Variants in ATRNL1 observed in about 807,000 individuals in gnomAD.
ATRNL1 encodes attractin like 1, also known as attractin-like protein 1.
A neutral mutation model predicts 182.7 loss-of-function variants in ATRNL1; 95 were observed. The ratio of observed to expected loss-of-function variants is 0.52; its 90% CI spans 0.44 to 0.62. ATRNL1 has a LOEUF of 0.62. Among genes scored for constraint, ATRNL1 ranks in the 20% least tolerant of loss-of-function variants. The pLI, the probability that ATRNL1 is intolerant of heterozygous loss-of-function variation, is 0.00. For missense variants in ATRNL1, 1,471 were observed against 1,679.5 expected (o/e 0.88, Z 2.17); for synonymous variants, 576 against 568.3 (o/e 1.01, Z -0.19).
At chr10:115,234,832 G>T (rs532923169) in intron 9 of ATRNL1, among the ~76,000 whole-genome samples, 1 of 151,934 alleles carries the variant, frequency 6.6e-6, no homozygotes, top group East Asian at 1.9e-4. Flanking sequence ...CAAGCCATCC[G>T]CCCGCCTTGG....
intron 27 of ATRNL1, among the ~76,000 whole-genome samples, chr10:115,805,134 A>C (rs574817124): frequency 1.2e-4 from 18 of 152,212 alleles, no homozygotes; most frequent in Non-Finnish European, 2.5e-4. Flanking sequence ...TAATCGTAGA[A>C]GAAGCAGCCC....
chr10:115,486,692 G>T (rs995384634), intron 24 of ATRNL1, among the ~76,000 whole-genome samples: 7 of 152,032 alleles, frequency 4.6e-5, no homozygotes, highest in African/African-American at 1.7e-4. Context: ...TCTGTAGGTT[G>T]CCTGTTCACT....
In ATRNL1 at chr10:115,093,977, A is replaced by C. The variant is rs782778616; in HGVS notation, c.227A>C (p.Asn76Thr). ...TCCTGCTTCTCGGGCCGCTGTGTCA[A>C]CTCCACCTGCCTCTGCGACCCGGGC... The part of the protein sequence containing the change: ...TGSCFSGRCV[N>T]STCLCDPGWV... Residue 76 changes from asparagine (N) to threonine (T), a missense_variant, in exon 1 of 29, where the codon AAC becomes ACC. Physicochemically the swap from Asn to Thr is moderately conservative, Grantham distance 65 (BLOSUM62 0). Coordinates refer to ENST00000355044, the MANE Select transcript of ATRNL1 (RefSeq NM_207303.4). The surrounding 1 kb of genome is among the most constrained non-coding windows in gnomAD (Gnocchi z 6.1). 6.3e-7 allele frequency: 1 copy of C among 1,581,320 alleles called. No individual in the cohort carries two copies. Among genetic ancestry groups the C allele is most frequent in the Non-Finnish European group, 8.6e-7 (1 of 1,165,968 alleles).
chr10:115,825,301 G>A (rs536748749), intron 27 of ATRNL1, among the ~76,000 whole-genome samples: 99 of 152,228 alleles, frequency 6.5e-4, no homozygotes, highest in African/African-American at 2.2e-3. Flanking sequence ...GACTAGGGGA[G>A]AGATAACATT....
At chr10:115,489,025 T>C (rs1478804318) in intron 24 of ATRNL1, among the ~76,000 whole-genome samples, 1 of 152,172 alleles carries the variant, frequency 6.6e-6, no homozygotes, top group African/African-American at 2.4e-5. Flanking sequence ...TTCCATGTAG[T>C]TGTGTGGTTT....
In ATRNL1 at chr10:115,497,421, A is replaced by G. The variant is rs990017596; in HGVS notation, c.3655-21842A>G. ...ACTATCACTCACTTATCATTTCCCC[A>G]TGGTGGAGGACATCCCTTGGCTCAA... On this transcript the variant is annotated intron_variant, in intron 24 of 28. Transcript: ENST00000355044. 3.3e-5 allele frequency among the ~76,000 whole-genome samples: 5 copies of G among 152,248 alleles called. No individual in the cohort carries two copies. In the East Asian group the frequency reaches 7.7e-4, roughly 24 times the overall value.
chr10:115,340,475 T>C lies in ATRNL1; in HGVS notation c.3175+6056T>C, dbSNP rs868961213. On this transcript the variant is annotated intron_variant, in intron 19 of 28. Coordinates refer to ENST00000355044, the MANE Select transcript of ATRNL1 (RefSeq NM_207303.4). ...TCTTTTTTTTTCTTTTCTTTTCTTTTCTTTTTTTTTTTTTTTGGTGTGTGT... is the reference window on the plus strand; with the variant it reads ...TCTTTTTTTTTCTTTTCTTTTCTTTCCTTTTTTTTTTTTTTTGGTGTGTGT... Among the ~76,000 whole-genome samples the C allele has an allele frequency of 1.0e-3, 126 of 123,096 alleles. 1 individual carries two copies. The Middle Eastern group carries it at 0.023, about 22-fold the overall frequency. 80.8% of individuals were successfully genotyped at this position (123,096 alleles called of 152,430 possible).
At chr10:115,255,033 C>T (rs938018966) in intron 10 of ATRNL1, among the ~76,000 whole-genome samples, 19 of 152,180 alleles carry the variant, frequency 1.2e-4, no homozygotes, top group African/African-American at 4.1e-4. Context: ...GTTTTGGTTA[C>T]TGTAGCCTTG....
intron 27 of ATRNL1, among the ~76,000 whole-genome samples, chr10:115,829,624 CA>C (rs200458749): frequency 6.6e-6 from 1 of 151,788 alleles, no homozygotes; most frequent in Non-Finnish European, 1.5e-5. Flanking sequence ...ACTTTTAAGC[CA>C]AAAAAAGATA....
intron 20 of ATRNL1, among the ~76,000 whole-genome samples, chr10:115,418,647 CAATT>C: frequency 6.6e-6 from 1 of 152,172 alleles, no homozygotes; most frequent in East Asian, 1.9e-4. Flanking sequence ...AGGCATGTCA[CAATT>C]AAACTCACAA....
intron 27 of ATRNL1, among the ~76,000 whole-genome samples, chr10:115,727,997 C>T (rs12770810): frequency 0.46 from 69,631 of 150,588 alleles, 18,204 homozygotes; most frequent in East Asian, 0.68. Context: ...AAAATTCGGC[C>T]GGGCGCGGTG....
chr10:115,831,130 A>G (rs1950550331), intron 27 of ATRNL1, among the ~76,000 whole-genome samples: 2 of 152,126 alleles, frequency 1.3e-5, no homozygotes, highest in African/African-American at 4.8e-5. Flanking sequence ...TTCTTCCAGA[A>G]ACACGGATGG....
intron 28 of ATRNL1, among the ~76,000 whole-genome samples, chr10:115,914,221 G>C (rs1952775711): frequency 6.6e-6 from 1 of 152,184 alleles, no homozygotes; most frequent in East Asian, 1.9e-4. Flanking sequence ...ATGTAGAACT[G>C]TGAGTCAATT....
At chr10:115,108,697 C>G (rs1162720161) in intron 1 of ATRNL1, among the ~76,000 whole-genome samples, 1 of 152,158 alleles carries the variant, frequency 6.6e-6, no homozygotes, top group Non-Finnish European at 1.5e-5. Flanking sequence ...ATGTCTAGTC[C>G]TTAGTTCCTG....
At chr10:115,317,254 T>A (rs972237518) in intron 18 of ATRNL1, among the ~76,000 whole-genome samples, 1 of 152,218 alleles carries the variant, frequency 6.6e-6, no homozygotes, top group African/African-American at 2.4e-5. Context: ...CTGAGGTCTC[T>A]GTTCTGTTCC....
At chr10:115,655,357 C>A (rs570571239) in intron 26 of ATRNL1, among the ~76,000 whole-genome samples, 3 of 152,236 alleles carry the variant, frequency 2.0e-5, no homozygotes, top group African/African-American at 7.2e-5. Flanking sequence ...ATATCTTGAG[C>A]GTCCTTGGTA....
intron 26 of ATRNL1, among the ~76,000 whole-genome samples, chr10:115,719,059 A>G (rs1033871018): frequency 1.3e-5 from 2 of 152,230 alleles, no homozygotes; most frequent in Non-Finnish European, 2.9e-5. Context: ...TGAGCAAACT[A>G]TCACATTTTT....
chr10:115,944,640 T>G lies in ATRNL1; in HGVS notation c.4019-18T>G, dbSNP rs1589726014. ...AATGTCTAAGCAAGCATTTAAATGC[T>G]TTTCTCTTTCCTTCCAGGCCTTGCA... On this transcript the variant is annotated intron_variant, in intron 28 of 28. Transcript: ENST00000355044. 1 of 1,590,634 alleles carries G rather than the reference T, an allele frequency of 6.3e-7. No homozygotes were observed. Among genetic ancestry groups the G allele is most frequent in the East Asian group, 2.3e-5 (1 of 44,346 alleles).
At chr10:115,591,804 A>G (rs1324329372) in intron 26 of ATRNL1, among the ~76,000 whole-genome samples, 1 of 152,208 alleles carries the variant, frequency 6.6e-6, no homozygotes, top group Non-Finnish European at 1.5e-5. Context: ...ATGATTGGGT[A>G]TATATCCCAT....
Sources: allele counts gnomAD v4.1 joint callset (sites outside exome capture counted in the v4.1 genomes callset), GRCh38; gene constraint gnomAD v4.1.1; non-coding constraint Gnocchi (gnomAD v3.1); transcripts MANE v1.5; gene names NCBI Gene and HGNC (gene_info 2026-07-23, HGNC 2026-07-21).